PBX1: variants seen among roughly 807,000 people sequenced by gnomAD.
The protein encoded by PBX1 is PBX homeobox 1, also known as pre-B-cell leukemia transcription factor 1.
A neutral mutation model predicts 53.4 loss-of-function variants in PBX1; 6 were observed. The ratio of observed to expected loss-of-function variants is 0.11; its 90% confidence interval spans 0.06 to 0.22. The LOEUF is 0.22. Among genes scored for constraint, PBX1 ranks in the 10% least tolerant of loss-of-function variants. PBX1 has a pLI of 1.00. For synonymous variants in PBX1, 204 were observed against 212.3 expected (o/e 0.96, Z 0.34); for missense variants, 251 against 551.4 (o/e 0.46, Z 5.46).
chr1:164,701,734 A>G (rs1663134594), intron 2 of PBX1, among the ~76,000 whole-genome samples: 1 of 152,208 alleles, frequency 6.6e-6, no homozygotes, highest in Admixed American at 6.5e-5. Context: ...TGGGTCCTGC[A>G]CAAGACTGAT....
intron 2 of PBX1, among the ~76,000 whole-genome samples, chr1:164,748,784 C>T (rs897877110): frequency 6.6e-6 from 1 of 152,112 alleles, no homozygotes; most frequent in Non-Finnish European, 1.5e-5. Flanking sequence ...CAACACATTG[C>T]ATCAGACCTC....
At position 164,559,898 on chromosome 1, in the gene PBX1, T is replaced by G. The variant is rs1418007558; in HGVS notation, c.76T>G (p.Leu26Val). Residue 26 changes from leucine (L) to valine (V), a missense_variant, in exon 1 of 9, where the codon TTG becomes GTG. By Grantham distance (32) the Leu-to-Val change is conservative. Coordinates refer to ENST00000420696, the MANE Select transcript of PBX1 (RefSeq NM_002585.4). Reference protein sequence around the residue: ...MAGHPGLSQHLQDGAGGTEGE... With the variant: ...MAGHPGLSQHVQDGAGGTEGE... ...CGGACACCCCGGCCTGTCCCAGCACTTGCAGGATGGGGCCGGAGGGACCGA... is the reference window on the plus strand; with the variant it reads ...CGGACACCCCGGCCTGTCCCAGCACGTGCAGGATGGGGCCGGAGGGACCGA... The G allele has an allele frequency of 1.9e-6, 3 of 1,550,364 alleles. No homozygotes were observed. The highest frequency in any genetic ancestry group is 2.6e-6 in the Non-Finnish European group (3 of 1,146,528).
intron 2 of PBX1, among the ~76,000 whole-genome samples, chr1:164,674,325 T>C (rs1661297936): frequency 1.3e-5 from 2 of 152,226 alleles, no homozygotes; most frequent in Admixed American, 6.5e-5. Flanking sequence ...CCATAGTGTC[T>C]TTGTGTTTTC....
At position 164,847,758 on chromosome 1, in the gene PBX1, G is replaced by A; in HGVS notation, c.*1082G>A. 9.5e-7 allele frequency: 1 copy of A among 1,052,494 alleles called. No individual in the cohort carries two copies. 65.2% of individuals were successfully genotyped at this position (1,052,494 alleles called of 1,614,324 possible). Reference sequence around the variant, plus strand: ...AGAGAGGGAATTAGTGACTCTAAGTGAAGGTCACTGACACAGAGAAGCAGT... The same window carrying A: ...AGAGAGGGAATTAGTGACTCTAAGTAAAGGTCACTGACACAGAGAAGCAGT... On this transcript the variant is annotated 3_prime_UTR_variant, in exon 9 of 9. Coordinates refer to ENST00000420696, the MANE Select transcript of PBX1 (RefSeq NM_002585.4).
intron 2 of PBX1, among the ~76,000 whole-genome samples, chr1:164,789,046 A>G (rs531074945): frequency 1.3e-5 from 2 of 152,276 alleles, no homozygotes; most frequent in Non-Finnish European, 2.9e-5. Context: ...ACTGCGCCCA[A>G]TTAAATGTAT....
chr1:164,758,711 T>C (rs1423774740), intron 2 of PBX1, among the ~76,000 whole-genome samples: 1 of 152,176 alleles, frequency 6.6e-6, no homozygotes, highest in East Asian at 1.9e-4. Flanking sequence ...TTTTTTTTTT[T>C]TTCCTCATGC....
intron 8 of PBX1, among the ~76,000 whole-genome samples, chr1:164,825,605 T>G (rs1670418767): frequency 6.6e-6 from 1 of 152,236 alleles, no homozygotes; most frequent in Admixed American, 6.5e-5. Flanking sequence ...TCCTTAAGTC[T>G]TTCTTTTTGG....
At chr1:164,613,438 T>A (rs1657069470) in intron 2 of PBX1, among the ~76,000 whole-genome samples, 1 of 152,200 alleles carries the variant, frequency 6.6e-6, no homozygotes, top group African/African-American at 2.4e-5. Context: ...CCACGCTACC[T>A]GGCAAACTGT....
In PBX1 at chr1:164,847,299, C is replaced by A; in HGVS notation, c.*623C>A. 11 of 1,065,558 alleles carry A rather than the reference C, an allele frequency of 1.0e-5. No homozygotes were observed. Among genetic ancestry groups the A allele is most frequent in the Non-Finnish European group, 1.3e-5 (11 of 879,464 alleles). 66.0% of individuals were successfully genotyped at this position (1,065,558 alleles called of 1,614,324 possible). A position where few individuals can be genotyped will look rare whatever the true frequency, so the allele number is the denominator to read the frequency against. ...CTTCCTTCCTAGCCCCAGCTATTCA[C>A]TGGGGACTGTCATAGCTGGGATTCT... On this transcript the variant is annotated 3_prime_UTR_variant, in exon 9 of 9. Coordinates refer to ENST00000420696, the MANE Select transcript of PBX1 (RefSeq NM_002585.4).
intron 2 of PBX1, among the ~76,000 whole-genome samples, chr1:164,640,545 G>GTTT (rs751957824): frequency 2.6e-5 from 3 of 115,276 alleles, no homozygotes; most frequent in African/African-American, 3.1e-5. Flanking sequence ...GTTTTTTGGT[G>GTTT]TTTTTTTTTT....
rs141556541 is a variant in PBX1 at position 164,607,937 on chromosome 1, C to T, written c.265+44626C>T. Among the ~76,000 whole-genome samples, 12 of 152,296 alleles carry T rather than the reference C, an allele frequency of 7.9e-5. No individual in the cohort carries two copies. In the East Asian group the frequency reaches 1.5e-3, roughly 20 times the overall value. On this transcript the variant is annotated intron_variant, in intron 2 of 8. Transcript: ENST00000420696. Reference sequence around the variant, plus strand: ...ATATTATGTTAACTTCATGTATTTTCTATCAGGTTTTCCTATGTCTGTGAG... The same window carrying T: ...ATATTATGTTAACTTCATGTATTTTTTATCAGGTTTTCCTATGTCTGTGAG...
In PBX1 at chr1:164,835,762, C is replaced by T. The variant is rs187747171; in HGVS notation, c.1201-10822C>T. 5.5e-3 allele frequency among the ~76,000 whole-genome samples: 844 copies of T among 152,256 alleles called. 8 individuals carry two copies. Among genetic ancestry groups the T allele is most frequent in the African/African-American group, 0.019 (773 of 41,558 alleles). ...TCCTGTGGAATAAGGCCCCAAGTCT[C>T]ATCCTATTTCTGTGTAAAGTTCTTC... is the stretch of plus-strand genomic sequence containing the variant. On this transcript the variant is annotated intron_variant, in intron 8 of 8. Coordinates refer to ENST00000420696, the MANE Select transcript of PBX1 (RefSeq NM_002585.4).
intron 2 of PBX1, among the ~76,000 whole-genome samples, chr1:164,617,867 C>T (rs1330265320): frequency 2.1e-5 from 3 of 145,290 alleles, no homozygotes; most frequent in African/African-American, 7.7e-5. Context: ...CTATCTTTAC[C>T]TCCAAAGTGC....
intron 2 of PBX1, chr1:164,642,303 G>T (rs563280611): frequency 6.6e-6 from 1 of 152,106 alleles, no homozygotes; most frequent in Non-Finnish European, 1.5e-5. Flanking sequence ...CTTGCCAAGG[G>T]GATGCAATTA....
intron 2 of PBX1, among the ~76,000 whole-genome samples, chr1:164,743,565 G>T (rs1122757): frequency 0.42 from 64,238 of 151,986 alleles, 13,858 homozygotes; most frequent in South Asian, 0.64. Context: ...CAAAATTGAT[G>T]CTAAGGGAAT....
chr1:164,786,698 T>TGC, intron 2 of PBX1, among the ~76,000 whole-genome samples: 1 of 147,186 alleles, frequency 6.8e-6, no homozygotes, highest in East Asian at 2.1e-4. Context: ...TGTGTGTGTG[T>TGC]GTGTGTGTGT....
At chr1:164,870,026 C>A (rs761602868) in intron 2 of PBX1, among the ~76,000 whole-genome samples, 1 of 152,066 alleles carries the variant, frequency 6.6e-6, no homozygotes, top group Non-Finnish European at 1.5e-5. Flanking sequence ...GCCAGGACTA[C>A]GAATTCTACT....
chr1:164,560,158 G>A, intron 1 of PBX1, 145 bp downstream of exon 1: 1 of 608,120 alleles, frequency 1.6e-6, no homozygotes, highest in Non-Finnish European at 2.7e-6. Context: ...ACTACATGGC[G>A]GAGGAGTAAA....
chr1:164,635,662 G>A lies in PBX1; in HGVS notation c.265+72351G>A, dbSNP rs114372754. ...CACCCTTCCTCCTGTGCCTCTCCTC[G>A]GACGGATCCACACACTCAGCTATCA... On this transcript the variant is annotated intron_variant, in intron 2 of 8. Transcript: ENST00000420696. 9.0e-3 allele frequency among the ~76,000 whole-genome samples: 1,359 copies of A among 151,726 alleles called. 5 individuals carry two copies. Among genetic ancestry groups the A allele is most frequent in the Non-Finnish European group, 0.014 (929 of 67,872 alleles).
Sources: gnomAD v4.1 joint callset for allele counts (sites outside exome capture counted in the v4.1 genomes callset) on GRCh38, gnomAD v4.1.1 for gene constraint, MANE v1.5 for transcripts, NCBI Gene and HGNC (gene_info 2026-07-23, HGNC 2026-07-21) for gene names.